The following AGO2 variants were observed in gnomAD, a reference collection of about 807,000 sequenced individuals.
AGO2 encodes argonaute RISC catalytic component 2, also known as protein argonaute-2.
In AGO2, 5 loss-of-function variants were observed where a neutral mutation model predicts 102.3. The ratio of observed to expected loss-of-function variants is 0.05; its 90% confidence interval spans 0.03 to 0.10. AGO2 has a LOEUF of 0.10. AGO2 is among the 10% of genes least tolerant of loss of function. The pLI is 1.00. For missense variants in AGO2, 541 were observed against 1,183.7 expected (o/e 0.46, Z 7.97); for synonymous variants, 449 against 473.1 (o/e 0.95, Z 0.66).
chr8:140,538,039 C>T (rs1472139433), intron 16 of AGO2, among the ~76,000 whole-genome samples: 4 of 151,810 alleles, frequency 2.6e-5, no homozygotes, highest in East Asian at 2.0e-4. Context: ...AGGCTGGTCT[C>T]GGTCTCCTGA....
chr8:140,574,680 T>G (rs997047082), intron 2 of AGO2, among the ~76,000 whole-genome samples: 1 of 151,950 alleles, frequency 6.6e-6, no homozygotes, highest in African/African-American at 2.4e-5. Context: ...AAGGCCCATG[T>G]GAGGGAAATG....
In AGO2 at chr8:140,624,515, C is replaced by T. The variant is rs541368059; in HGVS notation, c.22+10970G>A. 5.3e-5 allele frequency among the ~76,000 whole-genome samples: 8 copies of T among 152,334 alleles called. No individual in the cohort carries two copies. In the East Asian group the frequency reaches 1.2e-3, roughly 22 times the overall value. ...AAGACACTCGGAACAGAGGGCACGCCGGGCTACACCCAGGAGATGCAGCTG... is the reference window on the plus strand; with the variant it reads ...AAGACACTCGGAACAGAGGGCACGCTGGGCTACACCCAGGAGATGCAGCTG... On this transcript the variant is annotated intron_variant, in intron 1 of 18. Coordinates refer to ENST00000220592, the MANE Select transcript of AGO2 (RefSeq NM_012154.5).
chr8:140,623,642 G>A (rs946937639), intron 1 of AGO2, among the ~76,000 whole-genome samples: 13 of 152,012 alleles, frequency 8.6e-5, no homozygotes, highest in East Asian at 1.9e-4. Flanking sequence ...CTTCCCTCCC[G>A]TGCACACCTG....
intron 1 of AGO2, among the ~76,000 whole-genome samples, chr8:140,612,353 T>C (rs748301712): frequency 2.0e-5 from 3 of 151,772 alleles, no homozygotes; most frequent in Non-Finnish European, 4.4e-5. Flanking sequence ...TGTAACTCTG[T>C]GAGCTAGTGT....
rs185248245 is a variant in AGO2 at position 140,613,026 on chromosome 8, C to T, written c.22+22459G>A. On this transcript the variant is annotated intron_variant, in intron 1 of 18. Transcript: ENST00000220592. ...CATCCTGGCTAACACGGTGAAACCC[C>T]GTCTCCACTAAAAATACAAAATAAT... Among the ~76,000 whole-genome samples the T allele has an allele frequency of 4.6e-5, 7 of 152,072 alleles. No homozygotes were observed. The South Asian group carries it at 6.2e-4, about 14-fold the overall frequency.
At chr8:140,613,792 G>A (rs2152102863) in intron 1 of AGO2, among the ~76,000 whole-genome samples, 1 of 152,106 alleles carries the variant, frequency 6.6e-6, no homozygotes, top group East Asian at 1.9e-4. Flanking sequence ...GAGGCAGGAG[G>A]GTCACTTGAC....
intron 17 of AGO2, 114 bp from the exon 18 acceptor site, chr8:140,532,729 G>A (rs1211601673): frequency 5.1e-6 from 6 of 1,184,154 alleles, no homozygotes; most frequent in East Asian, 2.6e-5. Flanking sequence ...GGACACGGAG[G>A]CTCACGCCTG....
chr8:140,533,218 T>G (rs1156826042), intron 17 of AGO2, among the ~76,000 whole-genome samples: 3 of 150,068 alleles, frequency 2.0e-5, no homozygotes, highest in Non-Finnish European at 4.4e-5. Context: ...TGAAACCCTG[T>G]CTCTACTAAA....
rs1034365386 is a variant in AGO2 at position 140,539,187 on chromosome 8, C to T, written c.2169+133G>A. 8.9e-5 allele frequency: 116 copies of T among 1,301,342 alleles called. No individual in the cohort carries two copies. Among genetic ancestry groups the T allele is most frequent in the South Asian group, 1.6e-4 (10 of 64,330 alleles). 80.6% of individuals were successfully genotyped at this position (1,301,342 alleles called of 1,614,324 possible). On this transcript the variant is annotated intron_variant, in intron 16 of 18. Transcript: ENST00000220592. This position sits in a 1 kb window ranked among gnomAD's most constrained non-coding sequence, Gnocchi z 4.7. ...GTCTAAACCTGGGTCCCCATGAAGC[C>T]CCTTAGAGGACAGAGTCACCCTAGA...
chr8:140,564,642 G>C (rs2132951850), intron 3 of AGO2, among the ~76,000 whole-genome samples: 1 of 152,306 alleles, frequency 6.6e-6, no homozygotes, highest in East Asian at 1.9e-4. Context: ...GCTTAAGCAT[G>C]TAAGAATAAA....
chr8:140,537,963 C>T (rs2072726116), intron 16 of AGO2, among the ~76,000 whole-genome samples: 3 of 152,206 alleles, frequency 2.0e-5, no homozygotes, highest in Admixed American at 6.5e-5. Flanking sequence ...GGACTACAGG[C>T]GCCCGCCACC....
intron 2 of AGO2, among the ~76,000 whole-genome samples, chr8:140,578,374 C>T (rs1055783398): frequency 9.9e-5 from 15 of 152,198 alleles, no homozygotes; most frequent in African/African-American, 3.4e-4. Context: ...TGCTGTTGTG[C>T]GACCATCACC....
intron 1 of AGO2, among the ~76,000 whole-genome samples, chr8:140,600,343 G>T (rs1054369391): frequency 6.6e-6 from 1 of 152,214 alleles, no homozygotes; most frequent in Non-Finnish European, 1.5e-5. Context: ...CCTCTGTTCA[G>T]ACTCCTGCAG....
rs186314995 is a variant in AGO2 at position 140,618,683 on chromosome 8, G to A, written c.22+16802C>T. ...TCTCTACAAAAAACACAAAAAATCA[G>A]CCAGGGTGGCGGGGTGCACCTGCAG... On this transcript the variant is annotated intron_variant, in intron 1 of 18. Coordinates refer to ENST00000220592, the MANE Select transcript of AGO2 (RefSeq NM_012154.5). 4.1e-3 allele frequency among the ~76,000 whole-genome samples: 626 copies of A among 151,858 alleles called. 9 individuals are homozygous for A. Among genetic ancestry groups the A allele is most frequent in the African/African-American group, 0.014 (584 of 41,406 alleles).
intron 17 of AGO2, among the ~76,000 whole-genome samples, chr8:140,534,974 G>A (rs1318227683): frequency 6.6e-6 from 1 of 152,234 alleles, no homozygotes; most frequent in Non-Finnish European, 1.5e-5. Context: ...CAACACCATG[G>A]CCACCTTCTC....
chr8:140,602,644 C>T (rs574964386), intron 1 of AGO2, among the ~76,000 whole-genome samples: 16 of 152,288 alleles, frequency 1.1e-4, no homozygotes, highest in African/African-American at 2.9e-4. Context: ...TTTAATTCCC[C>T]GCACTTGGAA....
intron 10 of AGO2, 64 bp downstream of exon 10, chr8:140,555,832 T>TGA: frequency 6.4e-7 from 1 of 1,562,920 alleles, no homozygotes; most frequent in Non-Finnish European, 8.7e-7. Context: ...GCTCAGAACC[T>TGA]GAGAGGGGTC....
At chr8:140,618,438 G>A (rs1030783644) in intron 1 of AGO2, among the ~76,000 whole-genome samples, 2 of 152,154 alleles carry the variant, frequency 1.3e-5, no homozygotes, top group African/African-American at 4.8e-5. Context: ...ACAGTTAGCT[G>A]TGACTGTGCC....
intron 1 of AGO2, among the ~76,000 whole-genome samples, chr8:140,595,948 T>TTATATAA (rs2073834021): frequency 1.9e-5 from 1 of 53,070 alleles, no homozygotes; most frequent in Admixed American, 3.2e-4. Flanking sequence ...AATATATATT[T>TTATATAA]TATATATAAT....
Sources: allele counts gnomAD v4.1 joint callset (sites outside exome capture counted in the v4.1 genomes callset), GRCh38; gene constraint gnomAD v4.1.1; non-coding constraint Gnocchi (gnomAD v3.1); transcripts MANE v1.5; gene names NCBI Gene and HGNC (gene_info 2026-07-23, HGNC 2026-07-21).